Variants in RGL1 observed in about 807,000 individuals in gnomAD.
The protein encoded by RGL1 is ral guanine nucleotide dissociation stimulator-like 1.
Under a neutral mutation model 95.2 loss-of-function variants are expected in RGL1, and 24 were observed. The observed-to-expected ratio is 0.25, with a 90% confidence interval of 0.18 to 0.35. The LOEUF (loss-of-function observed/expected upper bound fraction) is 0.35, where lower values mean the gene tolerates loss of function less well. RGL1 is among the 10% of genes least tolerant of loss of function. RGL1 has a pLI of 1.00. For synonymous variants in RGL1, 329 were observed against 344.9 expected, an observed-to-expected ratio of 0.95 and a Z score of 0.51; for missense variants, 715 against 936.3, an observed-to-expected ratio of 0.76 and a Z score of 3.08.
intron 1 of RGL1, among the ~76,000 whole-genome samples, chr1:183,685,697 G>C (rs1027977567): frequency 6.6e-6 from 1 of 152,154 alleles, no homozygotes; most frequent in Non-Finnish European, 1.5e-5. Context: ...CTATAGATAA[G>C]TCAAAGCATG....
chr1:183,901,796 A>G (rs2102699637), intron 11 of RGL1, among the ~76,000 whole-genome samples: 1 of 152,336 alleles, frequency 6.6e-6, no homozygotes, highest in East Asian at 1.9e-4. Context: ...CAGCAATAAA[A>G]TATTAAGTGA....
chr1:183,706,541 T>G (rs894524336), intron 1 of RGL1, among the ~76,000 whole-genome samples: 3 of 152,094 alleles, frequency 2.0e-5, no homozygotes, highest in African/African-American at 7.2e-5. Context: ...GGGCAGTCCT[T>G]GTGGGGGCTG....
upstream of RGL1, among the ~76,000 whole-genome samples, chr1:183,804,592 G>C (rs545332130): frequency 1.1e-4 from 16 of 152,294 alleles, no homozygotes; most frequent in Non-Finnish European, 1.9e-4. Flanking sequence ...CCAATGGCCA[G>C]TTACTGGGTA....
chr1:183,724,888 G>A lies in RGL1; in HGVS notation c.-32-17238G>A, dbSNP rs1337647390. ...AGGCCCAGAGCTCTGCTGGCTTCAG[G>A]TCTAACCTAGCACAGTCCCAGTGGT... On this transcript the variant is annotated intron_variant, in intron 1 of 18. Coordinates refer to the RGL1 transcript ENST00000304685. This position sits in a 1 kb window ranked among gnomAD's most constrained non-coding sequence, Gnocchi z 4.1. 2.0e-5 allele frequency among the ~76,000 whole-genome samples: 3 copies of A among 151,966 alleles called. No homozygotes were observed. Among genetic ancestry groups the A allele is most frequent in the African/African-American group, 7.3e-5 (3 of 41,348 alleles).
chr1:183,897,453 G>A (rs1667764999), intron 9 of RGL1, among the ~76,000 whole-genome samples: 1 of 152,164 alleles, frequency 6.6e-6, no homozygotes, highest in Non-Finnish European at 1.5e-5. Context: ...GGAGGCTGAG[G>A]CAGGAGAATC....
chr1:183,911,498 C>A (rs1181755055), intron 14 of RGL1, among the ~76,000 whole-genome samples: 1 of 152,222 alleles, frequency 6.6e-6, no homozygotes, highest in Non-Finnish European at 1.5e-5. Context: ...CTCCCACTCC[C>A]CCACCAGAGC....
chr1:183,814,387 G>T (rs1422607305), intron 2 of RGL1, among the ~76,000 whole-genome samples: 1 of 152,058 alleles, frequency 6.6e-6, no homozygotes. Flanking sequence ...GATAACAGTG[G>T]TGGTGGTTGG....
intron 15 of RGL1, among the ~76,000 whole-genome samples, chr1:183,913,188 T>C (rs1392603587): frequency 1.1e-4 from 12 of 104,846 alleles, no homozygotes; most frequent in African/African-American, 3.6e-4. Context: ...TCTTCTTTTT[T>C]TTTTTTTTTT....
intron 1 of RGL1, among the ~76,000 whole-genome samples, chr1:183,636,898 AT>A (rs1649574853): frequency 6.6e-6 from 1 of 152,218 alleles, no homozygotes; most frequent in South Asian, 2.1e-4. Context: ...TAATTTGGAC[AT>A]TTGGCTGGAC....
At chr1:183,664,228 A>C (rs1016126032) in intron 1 of RGL1, among the ~76,000 whole-genome samples, 1 of 151,780 alleles carries the variant, frequency 6.6e-6, no homozygotes, top group African/African-American at 2.4e-5. Flanking sequence ...ATAAAATAAA[A>C]TAAAAATAAA....
chr1:183,825,597 G>C (rs1662792377), intron 2 of RGL1, among the ~76,000 whole-genome samples: 1 of 152,168 alleles, frequency 6.6e-6, no homozygotes, highest in Admixed American at 6.5e-5. Context: ...GCTTCTCTGA[G>C]TAACCCAAAT....
At chr1:183,885,889 T>C (rs1667079773) in intron 7 of RGL1, among the ~76,000 whole-genome samples, 1 of 151,920 alleles carries the variant, frequency 6.6e-6, no homozygotes, top group Admixed American at 6.6e-5. Context: ...ATGGATGAAT[T>C]GACATTTGAA....
chr1:183,661,891 C>A (rs1651657330), intron 1 of RGL1, among the ~76,000 whole-genome samples: 1 of 150,300 alleles, frequency 6.7e-6, no homozygotes, highest in Non-Finnish European at 1.5e-5. Context: ...CCCTGGGATG[C>A]AAGGCTGGTT....
intron 1 of RGL1, among the ~76,000 whole-genome samples, chr1:183,657,834 T>A (rs1651293172): frequency 6.6e-6 from 1 of 151,898 alleles, no homozygotes; most frequent in Non-Finnish European, 1.5e-5. Context: ...TCAAATGGTA[T>A]TTCTAGTTCT....
At chr1:183,780,641 G>A (rs1296290284) in intron 2 of RGL1, among the ~76,000 whole-genome samples, 1 of 152,332 alleles carries the variant, frequency 6.6e-6, no homozygotes, top group South Asian at 2.1e-4. Context: ...ATACAGGCTT[G>A]AGGATAGGTT....
chr1:183,648,539 C>T, intron 1 of RGL1: 1 of 1,614,152 alleles, frequency 6.2e-7, no homozygotes. Flanking sequence ...TAGCATGGCC[C>T]TTTTGCACCA....
intron 1 of RGL1, among the ~76,000 whole-genome samples, chr1:183,679,483 G>A (rs929431005): frequency 1.1e-4 from 17 of 148,958 alleles, no homozygotes; most frequent in Non-Finnish European, 2.4e-4. Flanking sequence ...GAGAACATGC[G>A]GCGTTCAGTT....
At chr1:183,837,649 C>T (rs928087661) in intron 2 of RGL1, among the ~76,000 whole-genome samples, 1 of 152,090 alleles carries the variant, frequency 6.6e-6, no homozygotes, top group Non-Finnish European at 1.5e-5. Context: ...AAGTTTTTGC[C>T]CTAGGTCCGA....
intron 2 of RGL1, among the ~76,000 whole-genome samples, chr1:183,840,583 C>A (rs1318356644): frequency 6.6e-6 from 1 of 152,044 alleles, no homozygotes; most frequent in Admixed American, 6.6e-5. Flanking sequence ...CCAGTGCAGG[C>A]CAGGTATGGT....
Sources: gnomAD v4.1 joint callset for allele counts (sites outside exome capture counted in the v4.1 genomes callset) on GRCh38, gnomAD v4.1.1 for gene constraint, Gnocchi (gnomAD v3.1) non-coding constraint, MANE v1.5 for transcripts, NCBI Gene and HGNC (gene_info 2026-07-23, HGNC 2026-07-21) for gene names.